Variants in ITIH5 observed in about 807,000 individuals in gnomAD.
The protein encoded by ITIH5 is inter-alpha-trypsin inhibitor heavy chain 5.
In ITIH5, 65 loss-of-function variants were observed where a neutral mutation model predicts 77.5. The ratio of observed to expected loss-of-function variants is 0.84; its 90% confidence interval spans 0.69 to 1.03. The LOEUF (loss-of-function observed/expected upper bound fraction) is 1.03. Among genes scored for constraint, ITIH5 ranks in the 50% least tolerant of loss-of-function variants. The pLI is 0.00. For missense variants in ITIH5, 1,208 were observed against 1,213.1 expected, an observed-to-expected ratio of 1.00 and a Z score of 0.06; for synonymous variants, 525 against 494.3, an observed-to-expected ratio of 1.06 and a Z score of -0.82.
intron 5 of ITIH5, among the ~76,000 whole-genome samples, chr10:7,626,039 G>A (rs1462526452): frequency 5.3e-5 from 8 of 152,198 alleles, no homozygotes; most frequent in Non-Finnish European, 8.8e-5. Flanking sequence ...GGACAGAGCA[G>A]CCCTTCAAGG....
At chr10:7,580,330 G>A (rs1564242196) in intron 8 of ITIH5, among the ~76,000 whole-genome samples, 4 of 152,140 alleles carry the variant, frequency 2.6e-5, no homozygotes, top group African/African-American at 9.7e-5. Flanking sequence ...ATGTTGGCCA[G>A]GCTGGTCTCA....
intron 5 of ITIH5, among the ~76,000 whole-genome samples, chr10:7,633,092 AG>A: frequency 6.6e-6 from 1 of 152,318 alleles, no homozygotes; most frequent in Middle Eastern, 3.4e-3. Context: ...GTTTCAGGAA[AG>A]CGTTCATTTC....
At chr10:7,583,916 C>T (rs1355468883) in intron 8 of ITIH5, among the ~76,000 whole-genome samples, 1 of 152,192 alleles carries the variant, frequency 6.6e-6, no homozygotes, top group Non-Finnish European at 1.5e-5. Context: ...TCACAAGCAC[C>T]AGCGAGAGGG....
In ITIH5 at chr10:7,581,366, GA is replaced by G. The variant is rs1325464966; in HGVS notation, c.1109-1303del. Among the ~76,000 whole-genome samples the G allele has an allele frequency of 2.6e-5, 4 of 152,248 alleles. No individual in the cohort carries two copies. In the East Asian group the frequency reaches 7.7e-4, roughly 29 times the overall value. On this transcript the variant is annotated intron_variant, in intron 8 of 13. Transcript: ENST00000397146. ...AATATGTGGCTTAGAAAAACCATAC[GA>G]AACAGAAAACAAATCTCAACTCTGA...
intron 7 of ITIH5, among the ~76,000 whole-genome samples, chr10:7,589,348 A>G (rs1239527753): frequency 6.6e-6 from 1 of 152,040 alleles, no homozygotes; most frequent in Non-Finnish European, 1.5e-5. Context: ...TAATCCAGCT[A>G]CTTGGGAGGC....
At chr10:7,643,277 C>T (rs1480012860) in intron 2 of ITIH5, among the ~76,000 whole-genome samples, 1 of 152,170 alleles carries the variant, frequency 6.6e-6, no homozygotes, top group African/African-American at 2.4e-5. Flanking sequence ...GCTGTTTAAG[C>T]CACATGGTCT....
At position 7,561,043 on chromosome 10, in the gene ITIH5, GAAAAAAAAAAAAA is replaced by G. The variant is rs71383917; in HGVS notation, c.*2027_*2039del. 2.3e-5 allele frequency: 3 copies of G among 130,310 alleles called. No homozygotes were observed. Among genetic ancestry groups the G allele is most frequent in the Non-Finnish European group, 3.3e-5 (2 of 61,180 alleles). 8.1% of individuals were successfully genotyped at this position (130,310 alleles called of 1,614,324 possible). A position where few individuals can be genotyped will look rare whatever the true frequency, so the allele number is the denominator to read the frequency against. On this transcript the variant is annotated 3_prime_UTR_variant, in exon 14 of 14. Transcript: ENST00000397146. ...GGGCTTTCAGGTACTGACCCCATTT[GAAAAAAAAAAAAA>G]AGATCTACACGTAAAGAAGAGGAAG...
intron 8 of ITIH5, among the ~76,000 whole-genome samples, chr10:7,583,018 T>G (rs902776644): frequency 6.6e-6 from 1 of 152,184 alleles, no homozygotes; most frequent in Non-Finnish European, 1.5e-5. Flanking sequence ...AAAGGACAAA[T>G]GCTTGAGGTG....
At chr10:7,607,549 C>CA (rs1169737608) in intron 7 of ITIH5, among the ~76,000 whole-genome samples, 4 of 152,250 alleles carry the variant, frequency 2.6e-5, no homozygotes, top group Admixed American at 1.3e-4. Context: ...CGCTGTGGTT[C>CA]ATGCCTGTAA....
intron 2 of ITIH5, among the ~76,000 whole-genome samples, chr10:7,646,280 T>TA (rs1447017944): frequency 2.0e-5 from 3 of 152,236 alleles, no homozygotes; most frequent in Non-Finnish European, 4.4e-5. Flanking sequence ...ACTGGTGTTT[T>TA]AAAAATTATC....
chr10:7,580,112 G>C (rs12262854), intron 8 of ITIH5, 48 bp from the exon 9 acceptor site: 1,313,072 of 1,469,098 alleles, frequency 0.89, 588,203 homozygotes, highest in East Asian at 1. Flanking sequence ...ACTCACCTCC[G>C]CACTCTGATT....
chr10:7,579,411 G>A lies in ITIH5; in HGVS notation c.1418+344C>T, dbSNP rs558229180. On this transcript the variant is annotated intron_variant, in intron 9 of 13. Transcript: ENST00000397146. ...GTGGTGGTGTGTGACTGTAGTCCCA[G>A]CTACTCAGGAGGCTGAGGCAAGAGA... Among the ~76,000 whole-genome samples, 8 of 152,240 alleles carry A rather than the reference G, an allele frequency of 5.3e-5. No homozygotes were observed. The South Asian group carries it at 1.2e-3, about 24-fold the overall frequency.
At chr10:7,657,282 C>T (rs921136387) in intron 1 of ITIH5, among the ~76,000 whole-genome samples, 1 of 151,898 alleles carries the variant, frequency 6.6e-6, no homozygotes, top group Admixed American at 6.6e-5. Context: ...CTCCTGACCT[C>T]GTGATCCGCC....
intron 8 of ITIH5, among the ~76,000 whole-genome samples, chr10:7,585,120 T>C (rs1280120348): frequency 6.6e-6 from 1 of 152,176 alleles, no homozygotes; most frequent in African/African-American, 2.4e-5. Flanking sequence ...GGTGTCTCTG[T>C]ACAGAGCCTG....
At chr10:7,594,077 G>C (rs1181689209) in intron 7 of ITIH5, among the ~76,000 whole-genome samples, 1 of 152,254 alleles carries the variant, frequency 6.6e-6, no homozygotes, top group Non-Finnish European at 1.5e-5. Context: ...GACTCTGCCA[G>C]GAGCACAGTC....
intron 7 of ITIH5, among the ~76,000 whole-genome samples, chr10:7,613,237 C>G (rs1833288633): frequency 7.0e-6 from 1 of 142,696 alleles, no homozygotes; most frequent in Non-Finnish European, 1.5e-5. Flanking sequence ...CAGAGTGAGA[C>G]TTCGTCTCAA....
chr10:7,617,336 G>T (rs1408336336), intron 5 of ITIH5, 54 bp from the exon 6 acceptor site: 1 of 1,198,838 alleles, frequency 8.3e-7, no homozygotes, highest in East Asian at 2.9e-5. Context: ...TTTCCAAAAA[G>T]AAATAAAAAC....
chr10:7,629,351 G>T (rs1321594451), intron 5 of ITIH5, among the ~76,000 whole-genome samples: 1 of 84,088 alleles, frequency 1.2e-5, no homozygotes. Context: ...ATGTTGTAGC[G>T]TGTGTCCCTG....
chr10:7,601,287 C>T (rs1323285211), intron 7 of ITIH5, among the ~76,000 whole-genome samples: 1 of 152,114 alleles, frequency 6.6e-6, no homozygotes, highest in East Asian at 1.9e-4. Flanking sequence ...CTCTTCTTTA[C>T]CCCAATTCAG....
Sources: allele counts gnomAD v4.1 joint callset (sites outside exome capture counted in the v4.1 genomes callset), GRCh38; gene constraint gnomAD v4.1.1; transcripts MANE v1.5; gene names NCBI Gene and HGNC (gene_info 2026-07-23, HGNC 2026-07-21).